Variants in KAT6B observed in about 807,000 individuals in gnomAD.
KAT6B encodes histone acetyltransferase KAT6B.
KAT6B carries 10 observed loss-of-function variants against 187.5 expected under a neutral mutation model. The ratio of observed to expected loss-of-function variants is 0.05; its 90% CI spans 0.03 to 0.09. The LOEUF (loss-of-function observed/expected upper bound fraction) is 0.09, where lower values mean the gene tolerates loss of function less well. Among genes scored for constraint, KAT6B ranks in the 10% least tolerant of loss-of-function variants. KAT6B has a pLI of 1.00. For missense variants in KAT6B, 1,952 were observed against 2,558.9 expected (o/e 0.76, Z 5.12); for synonymous variants, 861 against 926.8 (o/e 0.93, Z 1.29).
At position 75,030,408 on chromosome 10, in the gene KAT6B, T is replaced by C; in HGVS notation, c.5584T>C (p.Ser1862Pro). ...PLSNTGLVQLSQSPHSVPGGP... is the reference protein window; with the variant it reads ...PLSNTGLVQLPQSPHSVPGGP... ...AAGTAACACAGGGCTTGTTCAACTT[T>C]CTCAGTCTCCACACTCCGTCCCTGG... Residue 1862 changes from serine (S) to proline (P), a missense_variant, in exon 18 of 18, where the codon TCT becomes CCT. Coordinates refer to ENST00000287239, the MANE Select transcript of KAT6B (RefSeq NM_012330.4). This position sits in a 1 kb window ranked among gnomAD's most constrained non-coding sequence, Gnocchi z 4.8. 4 of 1,614,222 alleles carry C rather than the reference T, an allele frequency of 2.5e-6. No individual in the cohort carries two copies. The highest frequency in any genetic ancestry group is 3.4e-6 in the Non-Finnish European group (4 of 1,180,038).
intron 3 of KAT6B, among the ~76,000 whole-genome samples, chr10:74,950,581 G>A (rs1840249699): frequency 6.6e-6 from 1 of 152,192 alleles, no homozygotes; most frequent in African/African-American, 2.4e-5. Flanking sequence ...CTAATTAGGA[G>A]CAAACTTGAT....
At chr10:74,942,090 C>T (rs1485613547) in intron 3 of KAT6B, among the ~76,000 whole-genome samples, 9 of 152,080 alleles carry the variant, frequency 5.9e-5, no homozygotes, top group Admixed American at 5.9e-4. Flanking sequence ...GCGGAGGTTG[C>T]AGTGAGCTGA....
chr10:74,846,436 GTTTTGTTT>G (rs1842106265), intron 3 of KAT6B, among the ~76,000 whole-genome samples: 1 of 151,826 alleles, frequency 6.6e-6, no homozygotes, highest in African/African-American at 2.4e-5. Flanking sequence ...ATATATTTTT[GTTTTGTTT>G]TTTTGTTTTT....
chr10:74,998,954 A>G (rs1370813925), intron 13 of KAT6B, among the ~76,000 whole-genome samples: 1 of 152,226 alleles, frequency 6.6e-6, no homozygotes, highest in Non-Finnish European at 1.5e-5. Context: ...GGGAATTTGT[A>G]ATGCTTGTGA....
chr10:74,829,461 T>G (rs1011373591), intron 1 of KAT6B, among the ~76,000 whole-genome samples: 1 of 151,862 alleles, frequency 6.6e-6, no homozygotes, highest in Admixed American at 6.6e-5. Flanking sequence ...AAATAGTTTT[T>G]TTTTTTTTTT....
intron 9 of KAT6B, among the ~76,000 whole-genome samples, chr10:74,978,152 C>T (rs544748340): frequency 2.0e-4 from 30 of 152,312 alleles, no homozygotes; most frequent in African/African-American, 6.3e-4. Flanking sequence ...AGGCTCTTAA[C>T]GCTTTATTTT....
rs762271578 is a variant in KAT6B at position 74,976,017 on chromosome 10, G to A, written c.1680G>A (p.Lys560=). 2.2e-5 allele frequency: 35 copies of A among 1,614,002 alleles called. 1 individual carries two copies. In the South Asian group the frequency reaches 3.7e-4, roughly 17 times the overall value. ...CCACTCAGGGACAGTCTCGCAAAAA[G>A]GGACACCCGAGTTATGCACCACCCA... ...IYTTQGQSRK[K]GHPSYAPPKR... is the part of the protein sequence containing the mutation. The change falls in exon 8 of 18, where the codon AAG becomes AAA. Residue 560 remains lysine (K), a synonymous_variant. Transcript: ENST00000287239.
intron 3 of KAT6B, among the ~76,000 whole-genome samples, chr10:74,955,386 C>CCG (rs1297431941): frequency 7.3e-6 from 1 of 136,246 alleles, no homozygotes; most frequent in African/African-American, 2.7e-5. Context: ...AATTTTATCC[C>CCG]CCCCCCCCCA....
intron 7 of KAT6B, among the ~76,000 whole-genome samples, chr10:74,974,561 G>A (rs920655658): frequency 6.6e-6 from 1 of 152,208 alleles, no homozygotes; most frequent in Admixed American, 6.5e-5. Flanking sequence ...CGCTGTTCAT[G>A]TAAGCAGCTG....
At chr10:74,958,467 T>C (rs1840842375) in intron 3 of KAT6B, among the ~76,000 whole-genome samples, 1 of 152,178 alleles carries the variant, frequency 6.6e-6, no homozygotes, top group East Asian at 1.9e-4. Flanking sequence ...AGAGACATCA[T>C]AGTAACATTC....
Position 75,021,877 on chromosome 10 carries a change from T to G in KAT6B, c.3022-4T>G. The G allele has an allele frequency of 6.2e-7, 1 of 1,614,090 alleles. No homozygotes were observed. Among genetic ancestry groups the G allele is most frequent in the Non-Finnish European group, 8.5e-7 (1 of 1,180,000 alleles). ...TGGCCACCATTTTTACCCTCCCCAC[T>G]TAGGCTGAGCGGCTAATGGAACAAG... On this transcript the variant is annotated splice_polypyrimidine_tract_variant and splice_region_variant and intron_variant, in intron 15 of 17. Transcript: ENST00000287239.
intron 3 of KAT6B, among the ~76,000 whole-genome samples, chr10:74,949,137 T>C (rs1023556945): frequency 6.6e-6 from 1 of 152,252 alleles, no homozygotes; most frequent in African/African-American, 2.4e-5. Context: ...GAGTAGGGTT[T>C]ATATTGCTAA....
intron 3 of KAT6B, among the ~76,000 whole-genome samples, chr10:74,861,590 C>G (rs1843192317): frequency 6.6e-6 from 1 of 152,100 alleles, no homozygotes; most frequent in East Asian, 1.9e-4. Flanking sequence ...AGAGCTGGAG[C>G]CAGGATTTAG....
chr10:74,931,128 A>G (rs2133174709), intron 3 of KAT6B, among the ~76,000 whole-genome samples: 1 of 152,270 alleles, frequency 6.6e-6, no homozygotes, highest in South Asian at 2.1e-4. Flanking sequence ...ACTAGTGTTG[A>G]GGATTTTGTG....
chr10:74,972,916 G>C (rs1841938137), intron 7 of KAT6B, among the ~76,000 whole-genome samples: 1 of 152,180 alleles, frequency 6.6e-6, no homozygotes, highest in Non-Finnish European at 1.5e-5. Flanking sequence ...ATTGGAAACA[G>C]TCATTCAGCC....
At chr10:74,831,637 T>G (rs1011771638) in intron 1 of KAT6B, among the ~76,000 whole-genome samples, 7 of 152,240 alleles carry the variant, frequency 4.6e-5, no homozygotes, top group Non-Finnish European at 1.0e-4. Context: ...TAGACAGAAG[T>G]TCAGCCAGAT....
chr10:74,854,906 A>G (rs1451398378), intron 3 of KAT6B, among the ~76,000 whole-genome samples: 1 of 152,194 alleles, frequency 6.6e-6, no homozygotes, highest in East Asian at 1.9e-4. Flanking sequence ...AACTTTACTT[A>G]CAAGTTCAAT....
intron 13 of KAT6B, among the ~76,000 whole-genome samples, chr10:75,016,751 T>C (rs1385667035): frequency 6.6e-6 from 1 of 152,194 alleles, no homozygotes; most frequent in African/African-American, 2.4e-5. Context: ...ATTGAAAGTA[T>C]CCCGAGTTAA....
rs555654926 is a variant in KAT6B, at chr10:74,964,737, T to C, written c.730+4659T>C. Among the ~76,000 whole-genome samples the C allele has an allele frequency of 1.2e-3, 176 of 152,236 alleles. 1 individual carries two copies. Among genetic ancestry groups the C allele is most frequent in the African/African-American group, 3.9e-3 (163 of 41,542 alleles). On this transcript the variant is annotated intron_variant, in intron 4 of 17. Coordinates refer to ENST00000287239, the MANE Select transcript of KAT6B (RefSeq NM_012330.4). ...CAGAAATCCCAGCAAACAAACAGTA[T>C]CCCACCTCTCCTGGAGGATTTCCTA...
Sources: allele counts gnomAD v4.1 joint callset (sites outside exome capture counted in the v4.1 genomes callset), GRCh38; gene constraint gnomAD v4.1.1; non-coding constraint Gnocchi (gnomAD v3.1); transcripts MANE v1.5; gene names NCBI Gene and HGNC (gene_info 2026-07-23, HGNC 2026-07-21).